KLF8: variants seen among roughly 807,000 people sequenced by gnomAD.
KLF8 encodes the protein KLF transcription factor 8.
In KLF8, 10 loss-of-function variants were observed where a neutral mutation model predicts 18.2. The observed-to-expected ratio is 0.55, with a 90% CI of 0.34 to 0.93. The LOEUF is 0.93. KLF8 is among the 40% of genes least tolerant of loss of function. KLF8 has a pLI of 0.02. For synonymous variants in KLF8, 109 were observed against 97.3 expected, an observed-to-expected ratio of 1.12 and a Z score of -0.71; for missense variants, 264 against 277.9, an observed-to-expected ratio of 0.95 and a Z score of 0.36.
chrX:56,058,270 A>G, the KLF8 span, among the ~76,000 whole-genome samples: 236 of 24,213 alleles, frequency 9.7e-3, 2 homozygotes, highest in African/African-American at 0.068. Flanking sequence ...ATATATATAC[A>G]TATATATACA....
chrX:56,083,717 A>G, the KLF8 span, among the ~76,000 whole-genome samples: 1 of 111,639 alleles, frequency 9.0e-6, no homozygotes, highest in Non-Finnish European at 1.9e-5. Context: ...ATAAGTGAGT[A>G]TTACTGCCTG....
the KLF8 span, among the ~76,000 whole-genome samples, chrX:56,076,715 C>G: frequency 8.1e-5 from 9 of 111,801 alleles, no homozygotes; most frequent in Admixed American, 8.5e-4. Context: ...GGAATCGCCA[C>G]ACTGACTTCC....
chrX:56,104,457 C>A, the KLF8 span, among the ~76,000 whole-genome samples: 2 of 111,090 alleles, frequency 1.8e-5, no homozygotes, highest in Non-Finnish European at 1.9e-5. Flanking sequence ...GGTGTATGTG[C>A]CCAGGAATTA....
At chrX:56,080,808 T>A in the KLF8 span, among the ~76,000 whole-genome samples, 7 of 111,642 alleles carry the variant, frequency 6.3e-5, no homozygotes, top group African/African-American at 2.3e-4. Flanking sequence ...GATTTGGTCT[T>A]TTCACATAGT....
chrX:56,058,054 C>A, the KLF8 span, among the ~76,000 whole-genome samples: 77 of 102,024 alleles, frequency 7.5e-4, no homozygotes, highest in Admixed American at 1.3e-3. Flanking sequence ...CCGCTTCCTC[C>A]GTCTTGCTAG....
At chrX:55,909,730 G>A in the KLF8 span, among the ~76,000 whole-genome samples, 1 of 112,447 alleles carries the variant, frequency 8.9e-6, no homozygotes, top group African/African-American at 3.2e-5. Context: ...AGAAGAAATA[G>A]GAACTCAAAT....
At chrX:56,074,288 C>G in the KLF8 span, among the ~76,000 whole-genome samples, 2 of 111,601 alleles carry the variant, frequency 1.8e-5, no homozygotes, top group Admixed American at 1.9e-4. Flanking sequence ...TTCTAATTTT[C>G]ATGAAGTCCC....
At chrX:56,139,934 A>C in the KLF8 span, among the ~76,000 whole-genome samples, 46 of 111,999 alleles carry the variant, frequency 4.1e-4, no homozygotes, top group Non-Finnish European at 6.8e-4. Context: ...CTGGCAAAAC[A>C]CTAAGAACCA....
At chrX:56,255,451 A>G (rs2066778446) in intron 2 of KLF8, among the ~76,000 whole-genome samples, 1 of 112,278 alleles carries the variant, frequency 8.9e-6, no homozygotes, top group Admixed American at 9.4e-5. Context: ...TACTATGTGG[A>G]ATAACAGTGT....
chrX:55,958,079 C>T, the KLF8 span, among the ~76,000 whole-genome samples: 2 of 112,169 alleles, frequency 1.8e-5, no homozygotes, highest in African/African-American at 6.5e-5. Context: ...TTGACACTTA[C>T]TCCTTTGACT....
At chrX:56,075,406 T>C in the KLF8 span, among the ~76,000 whole-genome samples, 1 of 111,033 alleles carries the variant, frequency 9.0e-6, no homozygotes, top group Non-Finnish European at 1.9e-5. Context: ...AGTAGGTGTA[T>C]GTATTTATAT....
chrX:56,236,948 T>G (rs888107741), intron 1 of KLF8, among the ~76,000 whole-genome samples: 12 of 90,753 alleles, frequency 1.3e-4, no homozygotes, highest in African/African-American at 6.0e-4. Context: ...TGGTTTTCTA[T>G]AGATAGATAG....
At chrX:56,139,962 G>A in the KLF8 span, among the ~76,000 whole-genome samples, 3 of 111,928 alleles carry the variant, frequency 2.7e-5, no homozygotes, top group African/African-American at 9.7e-5. Flanking sequence ...AAAATGGGCA[G>A]AGGACATGAA....
rs1162550806 is a variant in KLF8 at position 56,289,657 on chromosome X, G to C, written c.*5163G>C. ...ACATGAAGCCTCCCACACTAATACT[G>C]AGAAACCTGGCTCTCAACCTCTGTC... On this transcript the variant is annotated 3_prime_UTR_variant, in exon 6 of 6. Coordinates refer to ENST00000468660, the MANE Select transcript of KLF8 (RefSeq NM_007250.5). 2.7e-5 allele frequency among the ~76,000 whole-genome samples: 3 copies of C among 111,437 alleles called. No individual in the cohort carries two copies. The highest frequency in any genetic ancestry group is 5.6e-5 in the Non-Finnish European group (3 of 53,144).
At chrX:56,181,291 C>CT in the KLF8 span, among the ~76,000 whole-genome samples, 1,918 of 110,173 alleles carry the variant, frequency 0.017, 20 homozygotes, top group Non-Finnish European at 0.028. Flanking sequence ...GCAAGCCCTG[C>CT]TTTTTTTTGT....
At chrX:56,206,700 G>T in the KLF8 span, among the ~76,000 whole-genome samples, 1 of 111,964 alleles carries the variant, frequency 8.9e-6, no homozygotes, top group Non-Finnish European at 1.9e-5. Flanking sequence ...GCTTTTCCAG[G>T]TGCATTGTGC....
the KLF8 span, among the ~76,000 whole-genome samples, chrX:55,935,430 G>A: frequency 8.9e-6 from 1 of 112,138 alleles, no homozygotes; most frequent in Non-Finnish European, 1.9e-5. Context: ...AAGATATCAA[G>A]TGATTTGTAT....
chrX:56,110,921 G>GT, the KLF8 span, among the ~76,000 whole-genome samples: 10 of 111,318 alleles, frequency 9.0e-5, no homozygotes, highest in African/African-American at 2.9e-4. Context: ...CTTTACTGAA[G>GT]TTTTTTTATT....
the KLF8 span, among the ~76,000 whole-genome samples, chrX:55,956,421 G>T: frequency 9.0e-6 from 1 of 111,225 alleles, no homozygotes; most frequent in East Asian, 2.8e-4. Context: ...ACACCCAAAA[G>T]TGAGATTACT....
Sources: allele counts gnomAD v4.1 joint callset (sites outside exome capture counted in the v4.1 genomes callset), GRCh38; gene constraint gnomAD v4.1.1; transcripts MANE v1.5; gene names NCBI Gene and HGNC (gene_info 2026-07-23, HGNC 2026-07-21).